DRC11: variants seen among roughly 807,000 people sequenced by gnomAD.
DRC11 encodes IQ and AAA domain-containing protein 1.
At chr2:236,399,625 G>T in the DRC11 span, 1 of 699,060 alleles carries the variant, frequency 1.4e-6, no homozygotes, top group Non-Finnish European at 2.5e-6. This position sits in a 1 kb window ranked among gnomAD's most constrained non-coding sequence, Gnocchi z 7.0. Flanking sequence ...CCTCTGGCCC[G>T]TCTAAGTATG....
At chr2:236,428,768 C>A in the DRC11 span, among the ~76,000 whole-genome samples, 8 of 152,126 alleles carry the variant, frequency 5.3e-5, no homozygotes, top group South Asian at 1.7e-3. Flanking sequence ...CTTATTGCTG[C>A]CACTTTATTA....
the DRC11 span, among the ~76,000 whole-genome samples, chr2:236,447,704 G>T: frequency 6.6e-6 from 1 of 152,200 alleles, no homozygotes; most frequent in Non-Finnish European, 1.5e-5. The surrounding 1 kb of genome is among the most constrained non-coding windows in gnomAD (Gnocchi z 4.6). Context: ...TTGTTCTGTA[G>T]ATTTGGGTGA....
chr2:236,420,116 T>C, the DRC11 span, among the ~76,000 whole-genome samples: 2 of 152,146 alleles, frequency 1.3e-5, no homozygotes, highest in South Asian at 4.2e-4. The surrounding 1 kb of genome is among the most constrained non-coding windows in gnomAD (Gnocchi z 4.8). Flanking sequence ...CAGGCATGCT[T>C]CTGAGAGCCT....
chr2:236,496,253 C>T, the DRC11 span, among the ~76,000 whole-genome samples: 7 of 152,276 alleles, frequency 4.6e-5, no homozygotes, highest in East Asian at 1.4e-3. The surrounding 1 kb of genome is among the most constrained non-coding windows in gnomAD (Gnocchi z 6.3). Context: ...TTCAGTTATT[C>T]TCATTACTCC....
the DRC11 span, chr2:236,441,164 T>G: frequency 1.5e-6 from 2 of 1,316,878 alleles, no homozygotes; most frequent in African/African-American, 1.5e-5. Context: ...GGAAATGAAG[T>G]CCTCTCTTGT....
the DRC11 span, among the ~76,000 whole-genome samples, chr2:236,501,662 C>T: frequency 6.6e-6 from 1 of 152,130 alleles, no homozygotes; most frequent in Non-Finnish European, 1.5e-5. Context: ...ACAGTAAACC[C>T]AAGGCGCTCA....
At chr2:236,389,431 GC>G in the DRC11 span, among the ~76,000 whole-genome samples, 19 of 152,310 alleles carry the variant, frequency 1.2e-4, no homozygotes, top group Admixed American at 2.6e-4. Context: ...TTTTCCAGGT[GC>G]CGTCCGTCAC....
At chr2:236,329,838 G>A in the DRC11 span, among the ~76,000 whole-genome samples, 1 of 152,186 alleles carries the variant, frequency 6.6e-6, no homozygotes, top group Non-Finnish European at 1.5e-5. Flanking sequence ...CACCAAGAAT[G>A]GATGTGTGAA....
chr2:236,322,051 CAA>C, the DRC11 span, among the ~76,000 whole-genome samples: 1 of 152,148 alleles, frequency 6.6e-6, no homozygotes, highest in South Asian at 2.1e-4. Context: ...ATAAGTGAGG[CAA>C]AAAGACACAG....
the DRC11 span, among the ~76,000 whole-genome samples, chr2:236,491,645 TCA>T: frequency 1.3e-5 from 2 of 152,132 alleles, no homozygotes; most frequent in Admixed American, 1.3e-4. Context: ...GGGATTCCTT[TCA>T]GGGAATGAAG....
the DRC11 span, among the ~76,000 whole-genome samples, chr2:236,421,646 T>A: frequency 1.3e-5 from 2 of 152,200 alleles, no homozygotes; most frequent in Non-Finnish European, 2.9e-5. Context: ...GAGGAGCTGG[T>A]ACCATTCCTT....
chr2:236,475,384 A>T, the DRC11 span, among the ~76,000 whole-genome samples: 1 of 152,198 alleles, frequency 6.6e-6, no homozygotes, highest in Admixed American at 6.5e-5. This position sits in a 1 kb window ranked among gnomAD's most constrained non-coding sequence, Gnocchi z 4.8. Flanking sequence ...ATCTGTTAAT[A>T]GGCACTTAGG....
At chr2:236,445,168 T>C in the DRC11 span, among the ~76,000 whole-genome samples, 1 of 152,224 alleles carries the variant, frequency 6.6e-6, no homozygotes, top group South Asian at 2.1e-4. This position sits in a 1 kb window ranked among gnomAD's most constrained non-coding sequence, Gnocchi z 4.8. Flanking sequence ...TTGAGTGTTT[T>C]TGAGGACTCA....
the DRC11 span, among the ~76,000 whole-genome samples, chr2:236,496,999 T>C: frequency 6.6e-6 from 1 of 152,202 alleles, no homozygotes; most frequent in African/African-American, 2.4e-5. This position sits in a 1 kb window ranked among gnomAD's most constrained non-coding sequence, Gnocchi z 6.3. Context: ...GCCCAATCCT[T>C]GTCCGTGACA....
At chr2:236,335,187 C>T in the DRC11 span, among the ~76,000 whole-genome samples, 1 of 152,146 alleles carries the variant, frequency 6.6e-6, no homozygotes, top group Non-Finnish European at 1.5e-5. The surrounding 1 kb of genome is among the most constrained non-coding windows in gnomAD (Gnocchi z 5.6). Context: ...ACAACTAAGC[C>T]ACCGTCTATG....
chr2:236,331,254 G>A, the DRC11 span: 3 of 839,878 alleles, frequency 3.6e-6, no homozygotes, highest in Admixed American at 1.9e-5. This position sits in a 1 kb window ranked among gnomAD's most constrained non-coding sequence, Gnocchi z 4.8. Context: ...AAATTTCACT[G>A]TATATGGCCG....
chr2:236,468,596 G>A, the DRC11 span, among the ~76,000 whole-genome samples: 1 of 152,102 alleles, frequency 6.6e-6, no homozygotes, highest in Admixed American at 6.5e-5. Flanking sequence ...CTGAACAGTA[G>A]GAATTTCCTT....
the DRC11 span, among the ~76,000 whole-genome samples, chr2:236,386,465 A>C: frequency 2.0e-4 from 31 of 151,744 alleles, no homozygotes; most frequent in African/African-American, 7.0e-4. Flanking sequence ...TGTTTGTAGT[A>C]TTCTCTGATG....
At chr2:236,421,843 A>C in the DRC11 span, among the ~76,000 whole-genome samples, 1 of 152,236 alleles carries the variant, frequency 6.6e-6, no homozygotes, top group East Asian at 1.9e-4. Flanking sequence ...GCAGCACATC[A>C]AAAAGCTTAT....
Sources: allele counts gnomAD v4.1 joint callset (sites outside exome capture counted in the v4.1 genomes callset), GRCh38; gene constraint gnomAD v4.1.1; non-coding constraint Gnocchi (gnomAD v3.1); transcripts MANE v1.5; gene names NCBI Gene and HGNC (gene_info 2026-07-23, HGNC 2026-07-21).